Variants in ALG14 observed in about 807,000 individuals in gnomAD.
ALG14 encodes the protein ALG14 UDP-N-acetylglucosaminyltransferase subunit, also known as UDP-N-acetylglucosamine transferase subunit ALG14.
ALG14 carries 17 observed loss-of-function variants against 22.8 expected under a neutral mutation model. The observed-to-expected ratio is 0.75, with a 90% CI of 0.51 to 1.12. ALG14 has a LOEUF of 1.12. Ranked by LOEUF, ALG14 falls within the 50% of genes most tolerant of loss-of-function variation. The pLI is 0.00. For synonymous variants in ALG14, 89 were observed against 103.7 expected, an observed-to-expected ratio of 0.86 and a Z score of 0.86; for missense variants, 288 against 271.8, an observed-to-expected ratio of 1.06 and a Z score of -0.42.
chr1:95,060,145 C>CACAA (rs1219676275), intron 2 of ALG14, among the ~76,000 whole-genome samples: 1 of 49,556 alleles, frequency 2.0e-5, no homozygotes, highest in Non-Finnish European at 4.2e-5. Flanking sequence ...CACACACACA[C>CACAA]ACACACACAC....
intron 2 of ALG14, among the ~76,000 whole-genome samples, chr1:95,044,076 C>A (rs1448894972): frequency 6.6e-6 from 1 of 152,178 alleles, no homozygotes; most frequent in Non-Finnish European, 1.5e-5. Flanking sequence ...CCCATTCTTA[C>A]AATTGCTCAG....
intron 3 of ALG14, among the ~76,000 whole-genome samples, chr1:94,988,459 T>C (rs1672693808): frequency 6.6e-6 from 1 of 152,132 alleles, no homozygotes; most frequent in Non-Finnish European, 1.5e-5. Context: ...AGAAGAGTAA[T>C]GGAAACCTCA....
At chr1:95,047,225 T>C (rs2100808131) in intron 2 of ALG14, among the ~76,000 whole-genome samples, 1 of 152,288 alleles carries the variant, frequency 6.6e-6, no homozygotes, top group East Asian at 1.9e-4. Flanking sequence ...GTTATATGTA[T>C]ACATGTAACA....
intron 2 of ALG14, among the ~76,000 whole-genome samples, chr1:95,063,259 A>T (rs866452382): frequency 4.6e-5 from 7 of 152,190 alleles, no homozygotes; most frequent in Non-Finnish European, 8.8e-5. Context: ...GTTCACTCTG[A>T]TGAGTTTCTT....
chr1:94,990,213 CAG>C (rs1672739579), intron 3 of ALG14, among the ~76,000 whole-genome samples: 1 of 152,254 alleles, frequency 6.6e-6, no homozygotes, highest in African/African-American at 2.4e-5. Context: ...AGGTTACAGT[CAG>C]GGGACAGGAA....
intron 2 of ALG14, among the ~76,000 whole-genome samples, chr1:95,040,172 A>AAAATAAATAAATAAAT (rs66956744): frequency 1.3e-4 from 19 of 143,216 alleles, no homozygotes; most frequent in African/African-American, 1.8e-4. Flanking sequence ...ACCCTGTCTC[A>AAAATAAATAAATAAAT]AAATAAATAA....
chr1:95,056,159 AAAAAG>A (rs1674926893), intron 2 of ALG14, among the ~76,000 whole-genome samples: 1 of 152,178 alleles, frequency 6.6e-6, no homozygotes, highest in African/African-American at 2.4e-5. Flanking sequence ...AAGCAGAAAA[AAAAAG>A]AATAGAGAGC....
rs111907375 is a variant in ALG14 at position 95,017,029 on chromosome 1, G to A, written c.420+10100C>T. 4.9e-4 allele frequency among the ~76,000 whole-genome samples: 73 copies of A among 149,360 alleles called. 2 individuals carry two copies. The highest frequency in any genetic ancestry group is 1.2e-4 in the Non-Finnish European group (8 of 67,562). ...TGTGAAATACCTTGACCAAATATGT[G>A]GTCCCAATACTGACCAACTATGTGA... On this transcript the variant is annotated intron_variant, in intron 3 of 3. Coordinates refer to ENST00000370205, the MANE Select transcript of ALG14 (RefSeq NM_144988.4).
chr1:95,029,180 G>A (rs1174477807), intron 2 of ALG14, among the ~76,000 whole-genome samples: 2 of 147,634 alleles, frequency 1.4e-5, no homozygotes, highest in Non-Finnish European at 3.0e-5. Flanking sequence ...ACTGGGGCAG[G>A]AGAATCCACT....
chr1:95,035,352 G>C (rs770119029), intron 2 of ALG14, among the ~76,000 whole-genome samples: 1 of 152,112 alleles, frequency 6.6e-6, no homozygotes, highest in African/African-American at 2.4e-5. Context: ...TCGTATAGAA[G>C]AAAACATATT....
intron 2 of ALG14, among the ~76,000 whole-genome samples, chr1:95,034,084 T>A (rs1055164412): frequency 6.6e-6 from 1 of 152,218 alleles, no homozygotes; most frequent in Non-Finnish European, 1.5e-5. Flanking sequence ...TCAGACTCAC[T>A]CCTTCCTGAG....
intron 3 of ALG14, among the ~76,000 whole-genome samples, chr1:95,016,195 G>A (rs923989119): frequency 1.3e-5 from 2 of 152,254 alleles, no homozygotes; most frequent in Admixed American, 6.5e-5. Context: ...GATACCCTTC[G>A]AGAGAAGAGT....
intron 3 of ALG14, among the ~76,000 whole-genome samples, chr1:95,026,428 A>T (rs527654677): frequency 1.3e-5 from 2 of 151,282 alleles, no homozygotes; most frequent in African/African-American, 4.9e-5. Flanking sequence ...TAATTTCAAT[A>T]TTGTTGTGTC....
At chr1:95,040,573 G>C (rs983896061) in intron 2 of ALG14, among the ~76,000 whole-genome samples, 1 of 152,156 alleles carries the variant, frequency 6.6e-6, no homozygotes, top group Non-Finnish European at 1.5e-5. Flanking sequence ...GGGCCTAAAG[G>C]CTGGAAGGAT....
intron 1 of ALG14, chr1:95,067,431 C>T (rs1015108039): frequency 6.6e-6 from 1 of 152,232 alleles, no homozygotes; most frequent in Non-Finnish European, 1.5e-5. Flanking sequence ...TTCCACACTA[C>T]AATGCTTACT....
intron 3 of ALG14, among the ~76,000 whole-genome samples, chr1:95,010,073 A>G (rs1673321731): frequency 6.6e-6 from 1 of 152,174 alleles, no homozygotes; most frequent in African/African-American, 2.4e-5. Context: ...ATGAGCCTCC[A>G]ACATTCACAG....
At chr1:95,052,928 G>A (rs1368821027) in intron 2 of ALG14, among the ~76,000 whole-genome samples, 3 of 151,196 alleles carry the variant, frequency 2.0e-5, no homozygotes, top group Non-Finnish European at 2.9e-5. Context: ...AAGGAGAAGC[G>A]GGGAATAAAG....
chr1:95,069,215 G>A (rs945100123), intron 1 of ALG14, among the ~76,000 whole-genome samples: 6 of 152,172 alleles, frequency 3.9e-5, no homozygotes, highest in Middle Eastern at 3.2e-3. Flanking sequence ...GCGGTGGCAC[G>A]TGCCTGTGGT....
At chr1:95,072,699 C>T in intron 1 of ALG14, 64 bp downstream of exon 1, 1 of 1,591,212 alleles carries the variant, frequency 6.3e-7, no homozygotes, top group Non-Finnish European at 8.6e-7. Flanking sequence ...GGAAGAGCGT[C>T]GCGGTGCACT....
Sources: gnomAD v4.1 joint callset for allele counts (sites outside exome capture counted in the v4.1 genomes callset) on GRCh38, gnomAD v4.1.1 for gene constraint, MANE v1.5 for transcripts, NCBI Gene and HGNC (gene_info 2026-07-23, HGNC 2026-07-21) for gene names.